PGA3: variants seen among roughly 807,000 people sequenced by gnomAD.
PGA3 encodes pepsinogen A3.
PGA3 carries 1 observed loss-of-function variant against 15.6 expected under a neutral mutation model. That is an observed-to-expected ratio of 0.06 (90% CI 0.02 to 0.30). The LOEUF (loss-of-function observed/expected upper bound fraction) is 0.30. Ranked by LOEUF, PGA3 falls within the 10% of genes least tolerant of loss-of-function variation. The pLI, the probability that PGA3 is intolerant of heterozygous loss-of-function variation, is 1.00. For synonymous variants in PGA3, 14 were observed against 79.5 expected (o/e 0.18, Z 4.38); for missense variants, 29 against 183.7 (o/e 0.16, Z 4.87).
At chr11:61,203,702 T>C in intron 1 of PGA3, 82 bp downstream of exon 1, 2 of 1,606,254 alleles carry the variant, frequency 1.2e-6, no homozygotes, top group East Asian at 2.2e-5. Context: ...CTTCCCTTTT[T>C]TCTCCCTCTC....
At chr11:61,205,146 C>T (rs58452021) in intron 2 of PGA3, among the ~76,000 whole-genome samples, 2 of 151,978 alleles carry the variant, frequency 1.3e-5, no homozygotes, top group African/African-American at 4.8e-5. Flanking sequence ...TACTCTGAGC[C>T]TGTGTCTTGG....
chr11:61,212,463 CT>C, intron 8 of PGA3, 89 bp from the exon 9 acceptor site: 1 of 84,866 alleles, frequency 1.2e-5, no homozygotes, highest in Admixed American at 2.3e-4. Context: ...TGCCTTACAG[CT>C]GGACCAGGGC....
intron 2 of PGA3, chr11:61,204,500 C>G (rs1228560533): frequency 2.0e-6 from 1 of 502,402 alleles, no homozygotes; most frequent in Non-Finnish European, 3.7e-6. Context: ...GCGCCTCATT[C>G]TATTTCAGGG....
In PGA3 at chr11:61,211,576, A is replaced by G. The variant is rs1237420132; in HGVS notation, c.1017+141A>G. 9 of 1,041,792 alleles carry G rather than the reference A, an allele frequency of 8.6e-6. 1 individual carries two copies. The highest frequency in any genetic ancestry group is 1.3e-5 in the Non-Finnish European group (9 of 700,182). 64.5% of individuals were successfully genotyped at this position (1,041,792 alleles called of 1,614,324 possible). On this transcript the variant is annotated intron_variant, in intron 8 of 8. Coordinates refer to ENST00000325558, the MANE Select transcript of PGA3 (RefSeq NM_001079807.4). The stretch of plus-strand genomic sequence containing the variant: ...CGAACATCTGCCCTAGACAGCCTCC[A>G]GAGAAAAAGAATATATTAAAAACAA...
intron 2 of PGA3, chr11:61,205,562 A>C (rs1853916452): frequency 6.7e-6 from 1 of 149,058 alleles, no homozygotes; most frequent in African/African-American, 2.5e-5. Context: ...AGAGAGCTGA[A>C]TGATTGATTT....
chr11:61,211,779 T>C (rs1386369974), intron 8 of PGA3, among the ~76,000 whole-genome samples: 1 of 150,828 alleles, frequency 6.6e-6, no homozygotes, highest in Admixed American at 6.7e-5. Context: ...ATCCAAAAAG[T>C]AGAGATGGCA....
chr11:61,204,900 G>A (rs1431672222), intron 2 of PGA3, among the ~76,000 whole-genome samples: 1 of 152,210 alleles, frequency 6.6e-6, no homozygotes, highest in Non-Finnish European at 1.5e-5. Context: ...ACAGGGGTGT[G>A]ACAAGATCAG....
intron 2 of PGA3, chr11:61,204,603 G>C (rs1853901986): frequency 1.7e-6 from 1 of 573,026 alleles, no homozygotes; most frequent in South Asian, 2.1e-5. Flanking sequence ...GCAATGAAAG[G>C]AACAGGCAGC....
intron 2 of PGA3, chr11:61,205,930 G>A (rs1389439885): frequency 9.8e-6 from 1 of 101,632 alleles, no homozygotes; most frequent in Non-Finnish European, 2.2e-5. Context: ...CCAGGAGGAG[G>A]AGGCTGCAGT....
intron 6 of PGA3, 188 bp from the exon 7 acceptor site, chr11:61,210,901 AG>A: frequency 1.4e-5 from 1 of 69,362 alleles, no homozygotes; most frequent in African/African-American, 3.3e-4. Context: ...GGCAGAGAGT[AG>A]GCACTTGGGA....
intron 6 of PGA3, chr11:61,210,829 G>A: frequency 2.2e-4 from 6 of 27,506 alleles, no homozygotes; most frequent in Non-Finnish European, 3.8e-4. Flanking sequence ...CAGCTAGGCA[G>A]GGAGCTCCCT....
chr11:61,204,949 G>C (rs1428312685), intron 2 of PGA3, among the ~76,000 whole-genome samples: 2 of 152,194 alleles, frequency 1.3e-5, no homozygotes, highest in Admixed American at 6.5e-5. Context: ...TTTATTATTT[G>C]AGATCCGATA....
At position 61,204,241 on chromosome 11, in the gene PGA3, A is replaced by C. The variant is rs1454920675; in HGVS notation, c.191A>C (p.Asp64Ala). The C allele has an allele frequency of 6.9e-7, 1 of 1,444,454 alleles. No homozygotes were observed. The highest frequency in any genetic ancestry group is 1.8e-5 in the Admixed American group (1 of 56,410). 89.5% of individuals were successfully genotyped at this position (1,444,454 alleles called of 1,614,324 possible). Residue 64 changes from aspartate (D) to alanine (A), a missense_variant, in exon 2 of 9, where the codon GAT (aspartate) becomes GCT (alanine). By Grantham distance (126) the Asp-to-Ala change is moderately radical. Coordinates refer to ENST00000325558, the MANE Select transcript of PGA3 (RefSeq NM_001079807.4). The part of the protein sequence containing the change: ...FPQWKAPTLV[D>A]EQPLENYLDM... ...CAGTGGAAGGCTCCCACCCTGGTAG[A>C]TGAACAGCCCCTGGAGAACTACCTG...
intron 1 of PGA3, 175 bp downstream of exon 1, chr11:61,203,795 G>T (rs1436953120): frequency 9.2e-7 from 1 of 1,088,032 alleles, no homozygotes; most frequent in Non-Finnish European, 1.3e-6. Flanking sequence ...TAAAACTCGG[G>T]CCCAGCCTGA....
rs61899470 is a variant in PGA3, at chr11:61,206,155, C to T, written c.220-355C>T. 4.3e-3 allele frequency: 743 copies of T among 173,354 alleles called. 39 individuals carry two copies. Among genetic ancestry groups the T allele is most frequent in the African/African-American group, 0.018 (525 of 29,520 alleles). The allele number at this position is 173,354 out of a possible 1,614,324, so 10.7% of individuals were successfully genotyped here. ...ACAAGCACTTAAGCTGTAACTTGCC[C>T]GGTGCTAGAAGGTTCCACCGCCATC... On this transcript the variant is annotated intron_variant, in intron 2 of 8. Transcript: ENST00000325558.
In PGA3 at chr11:61,206,364, A is replaced by C. The variant is rs564012067; in HGVS notation, c.220-146A>C. ...GGGCTGGGATTTGAAGGATGAAGAC[A>C]GTGGCTGGGAAGAGAAAGATAAGAA... On this transcript the variant is annotated intron_variant, in intron 2 of 8. Coordinates refer to ENST00000325558, the MANE Select transcript of PGA3 (RefSeq NM_001079807.4). The C allele has an allele frequency of 2.1e-4, 9 of 42,164 alleles. No homozygotes were observed. In the East Asian group the frequency reaches 2.2e-3, roughly 10 times the overall value. The allele number at this position is 42,164 out of a possible 1,614,324, so 2.6% of individuals were successfully genotyped here.
At chr11:61,203,830 G>A (rs1010193774) in intron 1 of PGA3, 15 of 805,106 alleles carry the variant, frequency 1.9e-5, no homozygotes, top group African/African-American at 5.5e-5. Context: ...TCCAGCCCTA[G>A]TCAGCTTAAC....
intron 8 of PGA3, among the ~76,000 whole-genome samples, chr11:61,211,706 G>A (rs528672340): frequency 2.1e-4 from 31 of 150,286 alleles, no homozygotes; most frequent in African/African-American, 5.3e-4. Context: ...CCAAGTCCTG[G>A]GTCTGAATTA....
intron 2 of PGA3, among the ~76,000 whole-genome samples, chr11:61,204,920 T>G (rs1191861501): frequency 6.6e-6 from 1 of 152,176 alleles, no homozygotes; most frequent in Non-Finnish European, 1.5e-5. Context: ...GATCTGAGTT[T>G]CAGAAAGATC....
Sources: allele counts gnomAD v4.1 joint callset (sites outside exome capture counted in the v4.1 genomes callset), GRCh38; gene constraint gnomAD v4.1.1; transcripts MANE v1.5; gene names NCBI Gene and HGNC (gene_info 2026-07-23, HGNC 2026-07-21).